The following FCMR variants were observed in gnomAD, a reference collection of about 807,000 sequenced individuals.
The protein encoded by FCMR is immunoglobulin mu Fc receptor.
A neutral mutation model predicts 41.6 loss-of-function variants in FCMR; 34 were observed. The observed-to-expected ratio is 0.82, with a 90% CI of 0.62 to 1.09. FCMR has a LOEUF of 1.09. Ranked by LOEUF, FCMR falls within the 50% of genes least tolerant of loss-of-function variation. The probability of loss-of-function intolerance (pLI) is 0.00; values close to 1 mark genes in which losing one functional copy is unlikely to be tolerated. For synonymous variants in FCMR, 209 were observed against 211.8 expected, an observed-to-expected ratio of 0.99 and a Z score of 0.12; for missense variants, 496 against 512.5, an observed-to-expected ratio of 0.97 and a Z score of 0.31.
chr1:206,910,180 A>G, intron 5 of FCMR, 30 bp downstream of exon 5: 2 of 1,565,396 alleles, frequency 1.3e-6, no homozygotes, highest in East Asian at 2.3e-5. Flanking sequence ...TGGGCAGCTC[A>G]GCTCTCCCTA....
intron 7 of FCMR, chr1:206,905,942 T>G (rs1404537361): frequency 2.8e-5 from 5 of 176,354 alleles, no homozygotes; most frequent in Non-Finnish European, 6.3e-5. Flanking sequence ...GTCAAGGAAG[T>G]AAGAAGCCAC....
chr1:206,907,853 A>C (rs1430098109), intron 7 of FCMR: 2 of 1,381,736 alleles, frequency 1.4e-6, no homozygotes, highest in Non-Finnish European at 2.1e-6. Context: ...CCCCAGCCGC[A>C]TCTTGTGGCA....
At chr1:206,922,957 G>A (rs896954748), upstream of FCMR, among the ~76,000 whole-genome samples, 4 of 152,162 alleles carry the variant, frequency 2.6e-5, no homozygotes, top group Non-Finnish European at 5.9e-5. Context: ...GCTTTTCTGA[G>A]GCCCAGCAGA....
intron 1 of FCMR, among the ~76,000 whole-genome samples, chr1:206,919,707 A>C (rs1243886969): frequency 6.6e-6 from 1 of 152,142 alleles, no homozygotes; most frequent in Admixed American, 6.5e-5. Context: ...CCATAGCAGG[A>C]TCCCTTGGCC....
At chr1:206,917,773 C>G in intron 1 of FCMR, 1 of 452,396 alleles carries the variant, frequency 2.2e-6, no homozygotes, top group South Asian at 1.6e-5. Context: ...ATCACAGGCG[C>G]CTGCCACCAT....
intron 1 of FCMR, among the ~76,000 whole-genome samples, chr1:206,915,320 G>A (rs1679143988): frequency 6.6e-6 from 1 of 152,134 alleles, no homozygotes; most frequent in South Asian, 2.1e-4. Context: ...GTCGGAGGAG[G>A]GCTTTCTGGA....
At chr1:206,907,433 C>A (rs1256487049) in intron 7 of FCMR, among the ~76,000 whole-genome samples, 1 of 152,188 alleles carries the variant, frequency 6.6e-6, no homozygotes, top group Non-Finnish European at 1.5e-5. Flanking sequence ...GAGGGAATTT[C>A]AGTCCCGAGA....
Position 206,909,936 on chromosome 1 carries a change from G to T in FCMR, c.842-68C>A. The stretch of plus-strand genomic sequence containing the variant: ...GAGGCCCGTGCCACCCTCCCCAAAC[G>T]AAAGGCTGCCTCCTCCCTCGGGCTT... On this transcript the variant is annotated intron_variant, in intron 5 of 7. Transcript: ENST00000367091. This position sits in a 1 kb window ranked among gnomAD's most constrained non-coding sequence, Gnocchi z 5.0. The T allele has an allele frequency of 1.5e-6, 2 of 1,355,776 alleles. No homozygotes were observed. The highest frequency in any genetic ancestry group is 1.8e-5 in the South Asian group (1 of 56,716). 84.0% of individuals were successfully genotyped at this position (1,355,776 alleles called of 1,614,324 possible). A position where few individuals can be genotyped will look rare whatever the true frequency, so the allele number is the denominator to read the frequency against.
chr1:206,909,102 C>T lies in FCMR; in HGVS notation c.1044+360G>A, dbSNP rs1036820366. ...GAACTGTCTAGGTAGCTTCCACCTC[C>T]CTAGGACCCCCTAGAAATCTAATCT... On this transcript the variant is annotated intron_variant, in intron 7 of 7. Transcript: ENST00000367091. This position sits in a 1 kb window ranked among gnomAD's most constrained non-coding sequence, Gnocchi z 5.0. Among the ~76,000 whole-genome samples the T allele has an allele frequency of 1.3e-5, 2 of 152,116 alleles. No individual in the cohort carries two copies. The highest frequency in any genetic ancestry group is 1.5e-5 in the Non-Finnish European group (1 of 67,986).
rs1678801631 is a variant in FCMR, at chr1:206,909,009, C to CAG, written c.1044+451_1044+452dup. On this transcript the variant is annotated intron_variant, in intron 7 of 7. Transcript: ENST00000367091. This position sits in a 1 kb window ranked among gnomAD's most constrained non-coding sequence, Gnocchi z 5.0. ...TCCTCTAGCCAAGCTTAACCGCCTC[C>CAG]AGAGAAAGGTAAATTACCTCCTCTC... Among the ~76,000 whole-genome samples, 1 of 152,176 alleles carries CAG rather than the reference C, an allele frequency of 6.6e-6. No homozygotes were observed. Among genetic ancestry groups the CAG allele is most frequent in the Admixed American group, 6.5e-5 (1 of 15,280 alleles).
rs1679010957 is a variant in FCMR at position 206,913,001 on chromosome 1, G to A, written c.415C>T (p.Pro139Ser). Residue 139 changes from proline (P) to serine (S), a missense_variant, in exon 3 of 8, where the codon CCA (proline) becomes TCA (serine). By Grantham distance (74) the Pro-to-Ser change is moderately conservative. Coordinates refer to ENST00000367091, the MANE Select transcript of FCMR (RefSeq NM_005449.5). ...SWEEQPMPET[P>S]KWFHLPYLFQ... ...AAATAGGGCAGATGAAACCATTTTG[G>A]AGTCTCAGGCATTGGCTGCTCTTCC... is the stretch of plus-strand genomic sequence containing the variant. The A allele has an allele frequency of 6.2e-7, 1 of 1,613,740 alleles. No individual in the cohort carries two copies. Among genetic ancestry groups the A allele is most frequent in the African/African-American group, 1.3e-5 (1 of 74,922 alleles).
rs1165281800 is a variant in FCMR at position 206,908,171 on chromosome 1, TGGA to T, written c.1044+1288_1044+1290del. ...CTACGGAAACGGGCCGAGAAGAACG[TGGA>T]GAAGAAAACTGACAAATACACAGAG... On this transcript the variant is annotated intron_variant, in intron 7 of 7. Coordinates refer to ENST00000367091, the MANE Select transcript of FCMR (RefSeq NM_005449.5). 1.2e-5 allele frequency: 17 copies of T among 1,459,258 alleles called. No homozygotes were observed. The Admixed American group carries it at 2.6e-4, about 22-fold the overall frequency. 90.4% of individuals were successfully genotyped at this position (1,459,258 alleles called of 1,614,324 possible).
rs145519172 is a variant in FCMR, at chr1:206,920,999, T to C, written c.37+819A>G. On this transcript the variant is annotated intron_variant, in intron 1 of 7. Coordinates refer to ENST00000367091, the MANE Select transcript of FCMR (RefSeq NM_005449.5). ...TACTTCAGACAGGTGAAATAGCTGG[T>C]TTGGATGGTGATCAATGAAGAATTG... Among the ~76,000 whole-genome samples, 508 of 138,178 alleles carry C rather than the reference T, an allele frequency of 3.7e-3. 3 individuals carry two copies. The highest frequency in any genetic ancestry group is 0.013 in the African/African-American group (434 of 32,844). 90.7% of individuals were successfully genotyped at this position (138,178 alleles called of 152,430 possible).
At position 206,910,313 on chromosome 1, in the gene FCMR, C is replaced by T. The variant is rs1345957064; in HGVS notation, c.738G>A (p.Gly246=). The T allele has an allele frequency of 1.3e-6, 2 of 1,571,258 alleles. No individual in the cohort carries two copies. Among genetic ancestry groups the T allele is most frequent in the Non-Finnish European group, 1.7e-6 (2 of 1,158,104 alleles). The change falls in exon 5 of 8, where the codon GGG becomes GGA. Residue 246 remains glycine, a synonymous_variant. Transcript: ENST00000367091. ...QRALDYGSQS[G]REGQGFHILI... ...GGATGTGAAATCCTTGGCCTTCCCT[C>T]CCAGACTGTGAGCCATAGTCCAGTG...
intron 1 of FCMR, among the ~76,000 whole-genome samples, chr1:206,915,417 A>T (rs1277839169): frequency 6.6e-6 from 1 of 152,144 alleles, no homozygotes; most frequent in African/African-American, 2.4e-5. Flanking sequence ...GGCAGGGGAC[A>T]TAGGAGGGGA....
intron 4 of FCMR, 91 bp from the exon 5 acceptor site, chr1:206,910,431 G>T: frequency 9.4e-7 from 1 of 1,062,350 alleles, no homozygotes. Flanking sequence ...CGTTTTTGGA[G>T]ATGACTTACA....
intron 4 of FCMR, among the ~76,000 whole-genome samples, chr1:206,910,795 T>C (rs980680047): frequency 6.6e-6 from 1 of 152,220 alleles, no homozygotes; most frequent in Non-Finnish European, 1.5e-5. Flanking sequence ...CTAGAAGTTT[T>C]CCCCTCAATT....
At chr1:206,908,238 A>G (rs1243805539) in intron 7 of FCMR, 5 of 1,320,926 alleles carry the variant, frequency 3.8e-6, no homozygotes, top group African/African-American at 1.4e-5. Flanking sequence ...GAGCCCAATA[A>G]AGACTGTTAA....
rs1277448550 is a variant in FCMR, at chr1:206,909,674, G to A, written c.985+51C>T. On this transcript the variant is annotated intron_variant, in intron 6 of 7. Coordinates refer to ENST00000367091, the MANE Select transcript of FCMR (RefSeq NM_005449.5). This position sits in a 1 kb window ranked among gnomAD's most constrained non-coding sequence, Gnocchi z 5.0. ...GCGCCCCGCTGCGCCCGGCTTTCCC[G>A]GAGCCAGCGCACTCTTTCCGCTACT... The A allele has an allele frequency of 1.3e-5, 17 of 1,359,078 alleles. No homozygotes were observed. Among genetic ancestry groups the A allele is most frequent in the African/African-American group, 1.5e-5 (1 of 64,974 alleles). 84.2% of individuals were successfully genotyped at this position (1,359,078 alleles called of 1,614,324 possible).
Sources: gnomAD v4.1 joint callset for allele counts (sites outside exome capture counted in the v4.1 genomes callset) on GRCh38, gnomAD v4.1.1 for gene constraint, Gnocchi (gnomAD v3.1) non-coding constraint, MANE v1.5 for transcripts, NCBI Gene and HGNC (gene_info 2026-07-23, HGNC 2026-07-21) for gene names.